GPC5: variants seen among roughly 807,000 people sequenced by gnomAD.
The protein encoded by GPC5 is glypican-5.
GPC5 carries 47 observed loss-of-function variants against 53.9 expected under a neutral mutation model. The observed-to-expected ratio is 0.87, with a 90% CI of 0.69 to 1.11. The LOEUF is 1.11. Among genes scored for constraint, GPC5 ranks in the 50% most tolerant of loss-of-function variants. The pLI, the probability that GPC5 is intolerant of heterozygous loss-of-function variation, is 0.00. For missense variants in GPC5, 748 were observed against 713.1 expected (o/e 1.05, Z -0.56); for synonymous variants, 286 against 263.3 (o/e 1.09, Z -0.84).
chr13:92,723,528 C>T (rs961153125), intron 7 of GPC5, among the ~76,000 whole-genome samples: 3 of 151,714 alleles, frequency 2.0e-5, no homozygotes, highest in Non-Finnish European at 4.4e-5. Flanking sequence ...TACCACTACA[C>T]CCCTTCTCAT....
At chr13:92,281,469 C>T (rs900243669) in intron 7 of GPC5, among the ~76,000 whole-genome samples, 1 of 152,332 alleles carries the variant, frequency 6.6e-6, no homozygotes, top group South Asian at 2.1e-4. Context: ...TCCCTGACCA[C>T]CGAGTAGCCT....
At chr13:92,153,114 T>C (rs1328905563) in intron 7 of GPC5, among the ~76,000 whole-genome samples, 2 of 152,274 alleles carry the variant, frequency 1.3e-5, no homozygotes, top group East Asian at 3.9e-4. Context: ...TGGATATAGG[T>C]GTACTCATTT....
intron 2 of GPC5, among the ~76,000 whole-genome samples, chr13:91,689,270 G>T (rs1024857688): frequency 2.6e-5 from 3 of 115,016 alleles, no homozygotes; most frequent in Non-Finnish European, 5.2e-5. Context: ...TTTAAAAAAG[G>T]TACACCTGCA....
chr13:92,076,854 C>A (rs1204557968), intron 6 of GPC5, among the ~76,000 whole-genome samples: 2 of 152,146 alleles, frequency 1.3e-5, no homozygotes, highest in Non-Finnish European at 2.9e-5. Context: ...CAGGCCCTCC[C>A]AATCCTGAAG....
At chr13:91,411,840 A>T (rs1877816667) in intron 1 of GPC5, among the ~76,000 whole-genome samples, 3 of 152,228 alleles carry the variant, frequency 2.0e-5, no homozygotes, top group Admixed American at 2.0e-4. Context: ...TACTTTAAAT[A>T]TGTCAAGCCA....
At chr13:92,011,195 A>G (rs1276289123) in intron 6 of GPC5, among the ~76,000 whole-genome samples, 2 of 152,196 alleles carry the variant, frequency 1.3e-5, no homozygotes, top group South Asian at 2.1e-4. Context: ...TGTCTAGAAT[A>G]TGATAGGATT....
intron 7 of GPC5, among the ~76,000 whole-genome samples, chr13:92,656,574 T>A (rs1199908975): frequency 2.0e-5 from 3 of 152,174 alleles, no homozygotes; most frequent in African/African-American, 7.2e-5. Flanking sequence ...TTCAAGTTAT[T>A]TATATACCCA....
At chr13:92,206,078 C>T (rs1364820381) in intron 7 of GPC5, among the ~76,000 whole-genome samples, 1 of 148,254 alleles carries the variant, frequency 6.7e-6, no homozygotes, top group Admixed American at 6.7e-5. Flanking sequence ...ACAACGATTC[C>T]ATTCTGTAAT....
intron 7 of GPC5, among the ~76,000 whole-genome samples, chr13:92,532,277 A>G (rs1020810771): frequency 6.6e-6 from 1 of 152,164 alleles, no homozygotes; most frequent in African/African-American, 2.4e-5. Flanking sequence ...TCAAACATTC[A>G]TTCATTAATT....
intron 7 of GPC5, among the ~76,000 whole-genome samples, chr13:92,768,930 T>C (rs1303239118): frequency 1.3e-5 from 2 of 152,124 alleles, no homozygotes; most frequent in African/African-American, 4.8e-5. Context: ...TGAATCCATT[T>C]TAAAGGGAAA....
At chr13:92,843,461 T>A (rs1469999724) in intron 7 of GPC5, among the ~76,000 whole-genome samples, 1 of 152,160 alleles carries the variant, frequency 6.6e-6, no homozygotes, top group Non-Finnish European at 1.5e-5. Context: ...CAAACACTTA[T>A]AAACTACATG....
chr13:92,101,811 T>C (rs2041469536), intron 6 of GPC5, among the ~76,000 whole-genome samples: 1 of 152,180 alleles, frequency 6.6e-6, no homozygotes, highest in Admixed American at 6.6e-5. Flanking sequence ...TTGGAGAAAA[T>C]CCTGACTTCT....
chr13:92,333,864 G>A (rs2043304459), intron 7 of GPC5, among the ~76,000 whole-genome samples: 1 of 152,064 alleles, frequency 6.6e-6, no homozygotes, highest in Non-Finnish European at 1.5e-5. Flanking sequence ...TAGGCTAAGG[G>A]CTCTTAATGG....
intron 2 of GPC5, among the ~76,000 whole-genome samples, chr13:91,649,111 C>T (rs1319908558): frequency 6.6e-6 from 1 of 152,164 alleles, no homozygotes; most frequent in African/African-American, 2.4e-5. Flanking sequence ...TCCTTCCTGC[C>T]ACCGTGTGAA....
intron 7 of GPC5, among the ~76,000 whole-genome samples, chr13:92,602,494 C>T (rs1451920290): frequency 6.6e-6 from 1 of 151,772 alleles, no homozygotes; most frequent in African/African-American, 2.4e-5. Flanking sequence ...ACTAACTGCT[C>T]CAAATCTGCA....
chr13:92,164,709 C>T (rs1474662816), intron 7 of GPC5, among the ~76,000 whole-genome samples: 6 of 152,126 alleles, frequency 3.9e-5, no homozygotes, highest in Non-Finnish European at 8.8e-5. Context: ...AGATAGTGCC[C>T]CAGTGGGGAT....
chr13:91,948,892 G>T (rs915003221), intron 6 of GPC5, among the ~76,000 whole-genome samples: 8 of 152,104 alleles, frequency 5.3e-5, no homozygotes, highest in Admixed American at 1.3e-4. Flanking sequence ...TCATGTTTTT[G>T]TTTTTTCTTT....
chr13:92,862,511 G>A (rs1250311164), intron 7 of GPC5, among the ~76,000 whole-genome samples: 2 of 151,944 alleles, frequency 1.3e-5, no homozygotes, highest in African/African-American at 2.4e-5. Flanking sequence ...TTGGAATGGT[G>A]AAAAAGATAC....
At chr13:91,579,697 C>T (rs529238741) in intron 2 of GPC5, among the ~76,000 whole-genome samples, 3 of 140,044 alleles carry the variant, frequency 2.1e-5, no homozygotes, top group Admixed American at 1.5e-4. Flanking sequence ...GGCGCGATCT[C>T]GGCTTACTGC....
Sources: allele counts gnomAD v4.1 joint callset (sites outside exome capture counted in the v4.1 genomes callset), GRCh38; gene constraint gnomAD v4.1.1; transcripts MANE v1.5; gene names NCBI Gene and HGNC (gene_info 2026-07-23, HGNC 2026-07-21).